The following STAT1 variants were observed in gnomAD, a reference collection of about 807,000 sequenced individuals.
The protein encoded by STAT1 is signal transducer and activator of transcription 1-alpha/beta.
Under a neutral mutation model 111.7 loss-of-function variants are expected in STAT1, and 24 were observed. The observed-to-expected ratio is 0.21, with a 90% CI of 0.16 to 0.30. The LOEUF is 0.30. Ranked by LOEUF, STAT1 falls within the 10% of genes least tolerant of loss-of-function variation. The pLI is 1.00. For missense variants in STAT1, 351 were observed against 911.9 expected (o/e 0.38, Z 7.92); for synonymous variants, 332 against 326.5 (o/e 1.02, Z -0.18).
chr2:191,005,947 C>T (rs1440290064), intron 5 of STAT1, among the ~76,000 whole-genome samples: 1 of 152,186 alleles, frequency 6.6e-6, no homozygotes, highest in East Asian at 1.9e-4. Context: ...AGATTACCTA[C>T]ATTTTTAATG....
intron 2 of STAT1, among the ~76,000 whole-genome samples, chr2:191,010,698 T>A (rs1293083873): frequency 6.6e-6 from 1 of 152,220 alleles, no homozygotes; most frequent in African/African-American, 2.4e-5. Context: ...TTATACACAT[T>A]TAAAAAGATA....
Position 190,980,728 on chromosome 2 carries a change from G to T in STAT1, c.1583-59C>A. 1 of 1,533,572 alleles carries T rather than the reference G, an allele frequency of 6.5e-7. No individual in the cohort carries two copies. The highest frequency in any genetic ancestry group is 9.0e-7 in the Non-Finnish European group (1 of 1,107,622). The allele number at this position is 1,533,572 out of a possible 1,614,324, so 95.0% of individuals were successfully genotyped here. On this transcript the variant is annotated intron_variant, in intron 18 of 24. Coordinates refer to ENST00000361099, the MANE Select transcript of STAT1 (RefSeq NM_007315.4). This position sits in a 1 kb window ranked among gnomAD's most constrained non-coding sequence, Gnocchi z 6.1. The stretch of plus-strand genomic sequence containing the variant: ...AGAAACTGATTCTAAAGCTTTGGTT[G>T]GACGGATGGCTCTTGTATTTGCTCT...
chr2:190,975,415 A>C lies in STAT1; in HGVS notation c.2135+397T>G, dbSNP rs1361481097. 4.7e-6 allele frequency: 3 copies of C among 638,380 alleles called. No homozygotes were observed. Among genetic ancestry groups the C allele is most frequent in the Non-Finnish European group, 8.0e-6 (3 of 377,008 alleles). The allele number at this position is 638,380 out of a possible 1,614,324, so 39.5% of individuals were successfully genotyped here. A position where few individuals can be genotyped will look rare whatever the true frequency, so the allele number is the denominator to read the frequency against. Reference sequence around the variant, plus strand: ...TGCAGGCCAAATAACTGACAATGACATTTCCAAAATTTTTTCTACCTTTTA... The same window carrying C: ...TGCAGGCCAAATAACTGACAATGACCTTTCCAAAATTTTTTCTACCTTTTA... On this transcript the variant is annotated intron_variant, in intron 23 of 24. Transcript: ENST00000361099. The surrounding 1 kb of genome is among the most constrained non-coding windows in gnomAD (Gnocchi z 5.9).
chr2:190,995,308 T>C lies in STAT1; in HGVS notation c.786-89A>G. ...GGAATCATGGTATATTAGTCCATTC[T>C]CATGCTGCTAATAAAGACATACTCG... is the stretch of plus-strand genomic sequence containing the variant. On this transcript the variant is annotated intron_variant, in intron 9 of 24. Coordinates refer to ENST00000361099, the MANE Select transcript of STAT1 (RefSeq NM_007315.4). The surrounding 1 kb of genome is among the most constrained non-coding windows in gnomAD (Gnocchi z 4.2). 2 of 1,281,576 alleles carry C rather than the reference T, an allele frequency of 1.6e-6. No homozygotes were observed. The highest frequency in any genetic ancestry group is 2.3e-5 in the East Asian group (1 of 43,266). The allele number at this position is 1,281,576 out of a possible 1,614,324, so 79.4% of individuals were successfully genotyped here.
chr2:190,979,756 T>C lies in STAT1; in HGVS notation c.1727+16A>G. The stretch of plus-strand genomic sequence containing the variant: ...CTAAAAATATGTTTCAAAATACATC[T>C]ATCGGTGGCCCTTACCCATCATTCC... On this transcript the variant is annotated intron_variant, in intron 20 of 24. Coordinates refer to ENST00000361099, the MANE Select transcript of STAT1 (RefSeq NM_007315.4). The surrounding 1 kb of genome is among the most constrained non-coding windows in gnomAD (Gnocchi z 5.8). The C allele has an allele frequency of 6.3e-7, 1 of 1,587,468 alleles. No homozygotes were observed. The highest frequency in any genetic ancestry group is 1.1e-5 in the South Asian group (1 of 90,492).
At position 190,989,297 on chromosome 2, in the gene STAT1, T is replaced by C. The variant is rs1245107147; in HGVS notation, c.1097+318A>G. Among the ~76,000 whole-genome samples the C allele has an allele frequency of 6.6e-6, 1 of 152,216 alleles. No homozygotes were observed. Among genetic ancestry groups the C allele is most frequent in the Non-Finnish European group, 1.5e-5 (1 of 68,042 alleles). On this transcript the variant is annotated intron_variant, in intron 12 of 24. Coordinates refer to ENST00000361099, the MANE Select transcript of STAT1 (RefSeq NM_007315.4). This position sits in a 1 kb window ranked among gnomAD's most constrained non-coding sequence, Gnocchi z 5.0. ...AAAGAGACACTCACTCTTTTGTTCA[T>C]TTATAGTCTAAAAAGGCACAGGAAT... is the stretch of plus-strand genomic sequence containing the variant.
Position 190,996,322 on chromosome 2 carries a change from A to AC in STAT1, c.786-1104dup, listed in dbSNP as rs1222864387. On this transcript the variant is annotated intron_variant, in intron 9 of 24. Transcript: ENST00000361099. The surrounding 1 kb of genome is among the most constrained non-coding windows in gnomAD (Gnocchi z 4.5). ...GTCTTCTTCCCTGGGAAAAGTATCT[A>AC]CTTCACTTTCTGATTTTGCTCGATT... Among the ~76,000 whole-genome samples the AC allele has an allele frequency of 1.3e-5, 2 of 152,200 alleles. No individual in the cohort carries two copies. Among genetic ancestry groups the AC allele is most frequent in the African/African-American group, 2.4e-5 (1 of 41,442 alleles).
chr2:191,013,026 TG>T (rs1695256615), intron 2 of STAT1, among the ~76,000 whole-genome samples: 1 of 151,912 alleles, frequency 6.6e-6, no homozygotes, highest in Non-Finnish European at 1.5e-5. Context: ...GGAAGGTGGG[TG>T]GGGAGGGGGT....
In STAT1 at chr2:190,998,217, C is replaced by T. The variant is rs1370950596; in HGVS notation, c.633G>A (p.Lys211=). The T allele has an allele frequency of 1.2e-6, 2 of 1,612,040 alleles. No individual in the cohort carries two copies. Among genetic ancestry groups the T allele is most frequent in the African/African-American group, 1.3e-5 (1 of 74,838 alleles). Residue 211 remains lysine (K), a splice_region_variant and synonymous_variant, in exon 8 of 25, where the codon AAG becomes AAA. Transcript: ENST00000361099. This position sits in a 1 kb window ranked among gnomAD's most constrained non-coding sequence, Gnocchi z 4.1. The part of the protein sequence containing the change: ...KMYLMLDNKR[K]EVVHKIIELL... ...GCTATTCTGGAAAGTAAATAACTAC[C>T]TTTCTCTTATTGTCAAGCATTAAAT...
At chr2:191,001,870 T>TA (rs1192024141) in intron 5 of STAT1, among the ~76,000 whole-genome samples, 3 of 152,144 alleles carry the variant, frequency 2.0e-5, no homozygotes, top group Admixed American at 6.6e-5. Context: ...GCTCGGGTGT[T>TA]AGAGTGGTAA....
rs573454210 is a variant in STAT1, at chr2:191,012,401, G to A, written c.-2+1124C>T. Among the ~76,000 whole-genome samples the A allele has an allele frequency of 6.8e-6, 1 of 147,572 alleles. No individual in the cohort carries two copies. The highest frequency in any genetic ancestry group is 1.5e-5 in the Non-Finnish European group (1 of 67,334). ...ACTGTACTCCAGCCTGGGAGACAGA[G>A]AGAGACTCTGTCTCTAAAAAAAAAA... On this transcript the variant is annotated intron_variant, in intron 2 of 24. Coordinates refer to ENST00000361099, the MANE Select transcript of STAT1 (RefSeq NM_007315.4). This position sits in a 1 kb window ranked among gnomAD's most constrained non-coding sequence, Gnocchi z 4.0.
chr2:190,979,022 C>T lies in STAT1; in HGVS notation c.1728-21G>A, dbSNP rs376949116. On this transcript the variant is annotated intron_variant, in intron 20 of 24. Coordinates refer to ENST00000361099, the MANE Select transcript of STAT1 (RefSeq NM_007315.4). This position sits in a 1 kb window ranked among gnomAD's most constrained non-coding sequence, Gnocchi z 5.8. Reference sequence around the variant, plus strand: ...TGCACCTGGATATCGAAGAGATGGACGGATGGGCTTTTAGTTCAATCATGA... The same window carrying T: ...TGCACCTGGATATCGAAGAGATGGATGGATGGGCTTTTAGTTCAATCATGA... 8.1e-6 allele frequency: 13 copies of T among 1,613,860 alleles called. No individual in the cohort carries two copies. Among genetic ancestry groups the T allele is most frequent in the South Asian group, 6.6e-5 (6 of 91,064 alleles).
intron 24 of STAT1, among the ~76,000 whole-genome samples, chr2:190,972,131 G>A (rs917071292): frequency 4.6e-5 from 7 of 152,208 alleles, no homozygotes; most frequent in Non-Finnish European, 7.3e-5. Flanking sequence ...CTGTCACTGC[G>A]TGACCAGGGC....
In STAT1 at chr2:190,989,763, A is replaced by G. The variant is rs1693175454; in HGVS notation, c.1038-89T>C. Reference sequence around the variant, plus strand: ...CAATTCCCTATTAACGTTTAGATAAACTACTCCCCCTCCAGTTTTAGGGTA... The same window carrying G: ...CAATTCCCTATTAACGTTTAGATAAGCTACTCCCCCTCCAGTTTTAGGGTA... On this transcript the variant is annotated intron_variant, in intron 11 of 24. Coordinates refer to ENST00000361099, the MANE Select transcript of STAT1 (RefSeq NM_007315.4). The surrounding 1 kb of genome is among the most constrained non-coding windows in gnomAD (Gnocchi z 5.0). 3.3e-6 allele frequency: 3 copies of G among 901,298 alleles called. No individual in the cohort carries two copies. The highest frequency in any genetic ancestry group is 3.0e-5 in the South Asian group (2 of 65,866). 55.8% of individuals were successfully genotyped at this position (901,298 alleles called of 1,614,324 possible).
intron 3 of STAT1, among the ~76,000 whole-genome samples, chr2:191,009,591 G>A (rs41507345): frequency 6.6e-6 from 1 of 152,058 alleles, no homozygotes. Flanking sequence ...AATAATCGGT[G>A]TCAGTATTCC....
intron 5 of STAT1, among the ~76,000 whole-genome samples, 196 bp from the exon 6 acceptor site, chr2:191,001,359 A>C (rs990905535): frequency 1.3e-5 from 2 of 152,234 alleles, no homozygotes; most frequent in Admixed American, 6.5e-5. Flanking sequence ...GTTACAAAAA[A>C]ACTAGGCTCA....
At position 190,985,709 on chromosome 2, in the gene STAT1, T is replaced by C. The variant is rs941654007; in HGVS notation, c.1222-49A>G. On this transcript the variant is annotated intron_variant, in intron 14 of 24. Coordinates refer to ENST00000361099, the MANE Select transcript of STAT1 (RefSeq NM_007315.4). ...GTAAACACCATGGTAATGGTCAAAG[T>C]TGCTATCTTCATTTACAAATGAGAA... The C allele has an allele frequency of 4.5e-6, 7 of 1,570,946 alleles. No individual in the cohort carries two copies. In the South Asian group the frequency reaches 7.8e-5, roughly 17 times the overall value.
rs1446435516 is a variant in STAT1 at position 191,012,373 on chromosome 2, G to A, written c.-2+1152C>T. 4.0e-5 allele frequency among the ~76,000 whole-genome samples: 6 copies of A among 151,372 alleles called. No individual in the cohort carries two copies. Among genetic ancestry groups the A allele is most frequent in the Middle Eastern group, 3.4e-3 (1 of 292 alleles). Reference sequence around the variant, plus strand: ...GGAGGTTGCAGTGAGCTGAGATCGCGCCACTGTACTCCAGCCTGGGAGACA... The same window carrying A: ...GGAGGTTGCAGTGAGCTGAGATCGCACCACTGTACTCCAGCCTGGGAGACA... On this transcript the variant is annotated intron_variant, in intron 2 of 24. Coordinates refer to ENST00000361099, the MANE Select transcript of STAT1 (RefSeq NM_007315.4). This position sits in a 1 kb window ranked among gnomAD's most constrained non-coding sequence, Gnocchi z 4.0.
rs1691491237 is a variant in STAT1 at position 190,971,781 on chromosome 2, T to C, written c.2239-1064A>G. ...AGACTGGAGTGCAGTGGCACCATCT[T>C]GGCTCACTGCAACCTCCACCTTCCA... is the stretch of plus-strand genomic sequence containing the variant. On this transcript the variant is annotated intron_variant, in intron 24 of 24. Transcript: ENST00000361099. This position sits in a 1 kb window ranked among gnomAD's most constrained non-coding sequence, Gnocchi z 4.1. 1.3e-5 allele frequency among the ~76,000 whole-genome samples: 2 copies of C among 152,044 alleles called. No homozygotes were observed. Among genetic ancestry groups the C allele is most frequent in the South Asian group, 4.1e-4 (2 of 4,828 alleles).
Sources: gnomAD v4.1 joint callset for allele counts (sites outside exome capture counted in the v4.1 genomes callset) on GRCh38, gnomAD v4.1.1 for gene constraint, Gnocchi (gnomAD v3.1) non-coding constraint, MANE v1.5 for transcripts, NCBI Gene and HGNC (gene_info 2026-07-23, HGNC 2026-07-21) for gene names.